The following NTRK1 variants were observed in gnomAD, a reference collection of about 807,000 sequenced individuals.
NTRK1 encodes neurotrophic receptor tyrosine kinase 1.
In NTRK1, 62 loss-of-function variants were observed where a neutral mutation model predicts 86.8. The observed-to-expected ratio is 0.71, with a 90% confidence interval of 0.58 to 0.88. The LOEUF (loss-of-function observed/expected upper bound fraction) is 0.88. Ranked by LOEUF, NTRK1 falls within the 40% of genes least tolerant of loss-of-function variation. The pLI is 0.00. For synonymous variants in NTRK1, 469 were observed against 456.6 expected, an observed-to-expected ratio of 1.03 and a Z score of -0.35; for missense variants, 967 against 1,078.4, an observed-to-expected ratio of 0.90 and a Z score of 1.45.
At chr1:156,843,449 T>C in intron 2 of NTRK1, 5 of 1,614,194 alleles carry the variant, frequency 3.1e-6, no homozygotes, top group Non-Finnish European at 4.2e-6. Flanking sequence ...TGAAGTACTC[T>C]GGATTCACAG....
intron 14 of NTRK1, among the ~76,000 whole-genome samples, chr1:156,877,941 G>T (rs1213006950): frequency 6.6e-6 from 1 of 152,182 alleles, no homozygotes; most frequent in African/African-American, 2.4e-5. Flanking sequence ...TAGGCACAGA[G>T]GAGCCCAAGA....
intron 12 of NTRK1, 194 bp downstream of exon 12, chr1:156,875,860 C>G: frequency 9.4e-7 from 1 of 1,068,540 alleles, no homozygotes; most frequent in Non-Finnish European, 1.4e-6. Context: ...GCATCCCCTG[C>G]CCAGAGTCAC....
chr1:156,833,450 G>A (rs998403466), intron 1 of NTRK1, among the ~76,000 whole-genome samples: 1 of 152,074 alleles, frequency 6.6e-6, no homozygotes, highest in South Asian at 2.1e-4. Flanking sequence ...CCAGCTACTC[G>A]GGAGGCTGAG....
chr1:156,866,469 C>T (rs546274292), intron 3 of NTRK1, among the ~76,000 whole-genome samples: 1 of 152,242 alleles, frequency 6.6e-6, no homozygotes, highest in South Asian at 2.1e-4. Flanking sequence ...GCGTGGAGTT[C>T]CTTGTGGTCA....
At chr1:156,865,608 G>C (rs1183207764) in intron 3 of NTRK1, among the ~76,000 whole-genome samples, 1 of 152,136 alleles carries the variant, frequency 6.6e-6, no homozygotes, top group African/African-American at 2.4e-5. Flanking sequence ...TATTTTTTAA[G>C]AGTCAGGGTC....
chr1:156,841,157 C>T, intron 1 of NTRK1: 1 of 1,369,256 alleles, frequency 7.3e-7, no homozygotes, highest in Non-Finnish European at 1.0e-6. Flanking sequence ...CTGCCACGCT[C>T]TCAGCCTCCT....
At chr1:156,816,934 T>TG (rs1157369709) in intron 1 of NTRK1, 3 of 413,618 alleles carry the variant, frequency 7.3e-6, no homozygotes, top group Admixed American at 4.5e-5. Context: ...GGTATAGCGG[T>TG]GGGGGGTATC....
rs1432935301 is a variant in NTRK1 at position 156,849,300 on chromosome 1, C to G, written c.50+7107C>G. ...TTGATCTCAGCCTTGTTCTGCCGACCTCGCGTGCCTGTCACCTCCTCCAGT... is the reference window on the plus strand; with the variant it reads ...TTGATCTCAGCCTTGTTCTGCCGACGTCGCGTGCCTGTCACCTCCTCCAGT... On this transcript the variant is annotated intron_variant, in intron 2 of 16. Transcript: ENST00000392302. 1 of 1,613,978 alleles carries G rather than the reference C, an allele frequency of 6.2e-7. No individual in the cohort carries two copies. Among genetic ancestry groups the G allele is most frequent in the East Asian group, 2.2e-5 (1 of 44,864 alleles).
intron 1 of NTRK1, chr1:156,841,826 TG>T: frequency 6.2e-7 from 1 of 1,614,032 alleles, no homozygotes; most frequent in Non-Finnish European, 8.5e-7. Flanking sequence ...GGAGGAGGTG[TG>T]GGGCATAAGA....
upstream of NTRK1, among the ~76,000 whole-genome samples, chr1:156,859,249 G>C (rs1420826239): frequency 1.3e-5 from 2 of 152,084 alleles, no homozygotes; most frequent in Non-Finnish European, 2.9e-5. The surrounding 1 kb of genome is among the most constrained non-coding windows in gnomAD (Gnocchi z 6.2). Flanking sequence ...GACAACTGAG[G>C]GGAGGACAGG....
chr1:156,847,446 C>A (rs1571664071), intron 2 of NTRK1, among the ~76,000 whole-genome samples: 2 of 152,234 alleles, frequency 1.3e-5, no homozygotes, highest in Middle Eastern at 6.8e-3. Flanking sequence ...CAGTGGGCCC[C>A]CCATGGGAGA....
At chr1:156,849,245 C>A in intron 2 of NTRK1, 3 of 1,613,582 alleles carry the variant, frequency 1.9e-6, no homozygotes, top group Non-Finnish European at 2.5e-6. Context: ...TGGGGTCTCA[C>A]AGGCGGCGCG....
chr1:156,849,145 G>A, intron 2 of NTRK1: 2 of 1,595,016 alleles, frequency 1.3e-6, no homozygotes, highest in Admixed American at 1.7e-5. Flanking sequence ...GACCTCTGAG[G>A]AGAACTTCTC....
Position 156,879,987 on chromosome 1 carries a change from C to G in NTRK1, c.2047-12C>G. On this transcript the variant is annotated splice_polypyrimidine_tract_variant and intron_variant, in intron 15 of 16. Coordinates refer to ENST00000524377, the MANE Select transcript of NTRK1 (RefSeq NM_002529.4). ...GCGCCCCTGGAATTGATGCAGTGTC[C>G]GCCCGTGGCAGGTGGGAGGCCGCAC... The G allele has an allele frequency of 6.2e-7, 1 of 1,612,292 alleles. No homozygotes were observed. The highest frequency in any genetic ancestry group is 8.5e-7 in the Non-Finnish European group (1 of 1,179,958).
At chr1:156,866,369 G>C (rs548964577) in intron 3 of NTRK1, among the ~76,000 whole-genome samples, 4 of 152,198 alleles carry the variant, frequency 2.6e-5, no homozygotes. Flanking sequence ...CGAGGGGGCT[G>C]GGGGTGTGGG....
At chr1:156,880,416 G>T in intron 16 of NTRK1, 1 of 556,126 alleles carries the variant, frequency 1.8e-6, no homozygotes, top group Admixed American at 3.1e-5. Context: ...TGTACAAGGA[G>T]CCCAGACCCC....
intron 1 of NTRK1, among the ~76,000 whole-genome samples, chr1:156,862,939 G>A (rs1351999459): frequency 6.6e-6 from 1 of 152,082 alleles, no homozygotes; most frequent in African/African-American, 2.4e-5. Flanking sequence ...GGCCAAGGCT[G>A]GGAAGGGAGG....
chr1:156,828,637 G>A (rs1654385750), intron 1 of NTRK1, among the ~76,000 whole-genome samples: 1 of 152,228 alleles, frequency 6.6e-6, no homozygotes, highest in Non-Finnish European at 1.5e-5. Flanking sequence ...CGAGGATGAT[G>A]AGGAAGAAGG....
rs751037956 is a variant in NTRK1, at chr1:156,876,225, CG to C, written c.1632+21del. ...TGGCTGTCAAGGTGAGACCCTGCCC[CG>C]GGGGGTACTGCTGGCCTGGGTCCCA... On this transcript the variant is annotated intron_variant, in intron 13 of 16. Transcript: ENST00000524377. 8 of 1,613,696 alleles carry C rather than the reference CG, an allele frequency of 5.0e-6. No individual in the cohort carries two copies. The highest frequency in any genetic ancestry group is 6.8e-6 in the Non-Finnish European group (8 of 1,180,010).
Sources: allele counts gnomAD v4.1 joint callset (sites outside exome capture counted in the v4.1 genomes callset), GRCh38; gene constraint gnomAD v4.1.1; non-coding constraint Gnocchi (gnomAD v3.1); transcripts MANE v1.5; gene names NCBI Gene and HGNC (gene_info 2026-07-23, HGNC 2026-07-21).